ZNF385D: variants seen among roughly 807,000 people sequenced by gnomAD.
ZNF385D encodes the protein zinc finger protein 385D.
ZNF385D carries 15 observed loss-of-function variants against 35.8 expected under a neutral mutation model. The ratio of observed to expected loss-of-function variants is 0.42; its 90% CI spans 0.28 to 0.64. The LOEUF is 0.64. ZNF385D is among the 30% of genes least tolerant of loss of function. The pLI, the probability that ZNF385D is intolerant of heterozygous loss-of-function variation, is 0.23. For synonymous variants in ZNF385D, 212 were observed against 186.8 expected, an observed-to-expected ratio of 1.13 and a Z score of -1.10; for missense variants, 474 against 494.6, an observed-to-expected ratio of 0.96 and a Z score of 0.39.
At chr3:22,139,196 A>G (rs993475469) in intron 3 of ZNF385D, among the ~76,000 whole-genome samples, 1 of 152,128 alleles carries the variant, frequency 6.6e-6, no homozygotes, top group Non-Finnish European at 1.5e-5. Context: ...CCATTGTGGA[A>G]GTCGGTGTGG....
intron 2 of ZNF385D, among the ~76,000 whole-genome samples, chr3:22,360,088 C>A (rs1174245449): frequency 6.6e-6 from 1 of 151,878 alleles, no homozygotes; most frequent in African/African-American, 2.4e-5. Context: ...TAAAAAATCT[C>A]CTCTTTGGTA....
At chr3:21,847,374 C>CA (rs1696079759) in intron 3 of ZNF385D, among the ~76,000 whole-genome samples, 1 of 150,944 alleles carries the variant, frequency 6.6e-6, no homozygotes, top group Admixed American at 6.6e-5. Flanking sequence ...ATCACGATAT[C>CA]AAAAAATTAA....
intron 1 of ZNF385D, among the ~76,000 whole-genome samples, chr3:21,690,749 G>GC (rs1559522069): frequency 6.6e-6 from 1 of 152,068 alleles, no homozygotes; most frequent in Non-Finnish European, 1.5e-5. Flanking sequence ...AAATTCACTG[G>GC]CCCCACCCTA....
At chr3:21,867,744 A>T (rs1184781409) in intron 3 of ZNF385D, among the ~76,000 whole-genome samples, 65 of 3,568 alleles carry the variant, frequency 0.018, no homozygotes, top group African/African-American at 0.036. Flanking sequence ...AGGAAAAGTA[A>T]AAAAAAAAAA....
intron 3 of ZNF385D, among the ~76,000 whole-genome samples, chr3:21,824,486 T>C (rs572421975): frequency 1.3e-5 from 2 of 152,334 alleles, no homozygotes; most frequent in East Asian, 1.9e-4. Flanking sequence ...TATATGCATA[T>C]GTACATACAT....
chr3:21,552,344 A>G (rs1308117924), intron 3 of ZNF385D, among the ~76,000 whole-genome samples: 1 of 152,184 alleles, frequency 6.6e-6, no homozygotes, highest in Non-Finnish European at 1.5e-5. Context: ...TAAAATTGGT[A>G]CTTATGGACA....
Position 22,024,320 on chromosome 3 carries a change from C to T in ZNF385D, c.325+144497G>A, listed in dbSNP as rs137880576. 2.2e-3 allele frequency among the ~76,000 whole-genome samples: 328 copies of T among 151,776 alleles called. 3 individuals are homozygous for T. The highest frequency in any genetic ancestry group is 7.4e-3 in the African/African-American group (307 of 41,406). On this transcript the variant is annotated intron_variant, in intron 3 of 5. Transcript: ENST00000494108. ...TAATAAACTCCCCTATATATGTGTGCGTGTGTGTGTATGATAGGATACCTA... is the reference window on the plus strand; with the variant it reads ...TAATAAACTCCCCTATATATGTGTGTGTGTGTGTGTATGATAGGATACCTA...
intron 3 of ZNF385D, among the ~76,000 whole-genome samples, chr3:21,540,334 A>G (rs1043313113): frequency 6.6e-6 from 1 of 152,242 alleles, no homozygotes; most frequent in Non-Finnish European, 1.5e-5. Context: ...ACCTAAATGT[A>G]AATGATAAAA....
intron 2 of ZNF385D, among the ~76,000 whole-genome samples, chr3:21,591,634 G>T (rs1171590680): frequency 1.3e-5 from 2 of 152,128 alleles, no homozygotes; most frequent in African/African-American, 4.8e-5. Flanking sequence ...AATACATTTA[G>T]TATGTATTAA....
At chr3:21,968,876 A>G (rs1285603662) in intron 3 of ZNF385D, among the ~76,000 whole-genome samples, 1 of 152,172 alleles carries the variant, frequency 6.6e-6, no homozygotes, top group Non-Finnish European at 1.5e-5. Flanking sequence ...CACAGCTTGG[A>G]TACCAGCTGG....
chr3:22,032,001 G>A (rs1204081339), intron 3 of ZNF385D, among the ~76,000 whole-genome samples: 1 of 152,138 alleles, frequency 6.6e-6, no homozygotes, highest in African/African-American at 2.4e-5. Context: ...TCTAGGGCAG[G>A]GGCAAAATGC....
At chr3:21,560,808 C>T (rs1309824213) in intron 3 of ZNF385D, among the ~76,000 whole-genome samples, 2 of 152,184 alleles carry the variant, frequency 1.3e-5, no homozygotes, top group Non-Finnish European at 2.9e-5. Context: ...AAGCCCCTGA[C>T]TGGGGCTGCT....
intron 3 of ZNF385D, among the ~76,000 whole-genome samples, chr3:22,056,970 A>G (rs975345303): frequency 6.6e-5 from 10 of 152,244 alleles, no homozygotes; most frequent in South Asian, 2.1e-4. Flanking sequence ...AGCCAGCCTC[A>G]TGGCTAAGTC....
intron 3 of ZNF385D, among the ~76,000 whole-genome samples, chr3:21,838,840 A>T (rs191389240): frequency 1.1e-4 from 16 of 152,094 alleles, no homozygotes; most frequent in Non-Finnish European, 2.1e-4. Context: ...CAGAGATGTT[A>T]AAGTGTGAGA....
chr3:21,956,528 C>T (rs9811419), intron 3 of ZNF385D, among the ~76,000 whole-genome samples: 103,513 of 151,632 alleles, frequency 0.68, 36,462 homozygotes, highest in Non-Finnish European at 0.77. Context: ...AAACTAAATA[C>T]TTTGCATTAT....
chr3:22,017,610 T>TC (rs11375238), intron 3 of ZNF385D, among the ~76,000 whole-genome samples: 8,752 of 151,996 alleles, frequency 0.058, 843 homozygotes, highest in African/African-American at 0.2. Context: ...TTATTATCCA[T>TC]TTTTTCCTTA....
chr3:22,242,521 GA>G (rs200661805), intron 2 of ZNF385D, among the ~76,000 whole-genome samples: 3 of 148,308 alleles, frequency 2.0e-5, no homozygotes, highest in East Asian at 2.0e-4. Flanking sequence ...CTAATTATGA[GA>G]AAAAAAAACT....
At chr3:22,035,211 A>G (rs1373702621) in intron 3 of ZNF385D, among the ~76,000 whole-genome samples, 2 of 152,214 alleles carry the variant, frequency 1.3e-5, no homozygotes, top group African/African-American at 4.8e-5. Flanking sequence ...AACTGGGTTC[A>G]ATACAACTGG....
chr3:21,761,592 A>C (rs2070611097), intron 3 of ZNF385D, among the ~76,000 whole-genome samples: 1 of 152,108 alleles, frequency 6.6e-6, no homozygotes, highest in Non-Finnish European at 1.5e-5. Flanking sequence ...GAGAGGTGAG[A>C]GAAGTAATAC....
Sources: allele counts gnomAD v4.1 joint callset (sites outside exome capture counted in the v4.1 genomes callset), GRCh38; gene constraint gnomAD v4.1.1; transcripts MANE v1.5; gene names NCBI Gene and HGNC (gene_info 2026-07-23, HGNC 2026-07-21).